Variants in RCAN2 observed in about 807,000 individuals in gnomAD.
The protein encoded by RCAN2 is regulator of calcineurin 2.
In RCAN2, 9 loss-of-function variants were observed where a neutral mutation model predicts 23.6. The ratio of observed to expected loss-of-function variants is 0.38; its 90% CI spans 0.23 to 0.67. The LOEUF is 0.67. Among genes scored for constraint, RCAN2 ranks in the 30% least tolerant of loss-of-function variants. The probability of loss-of-function intolerance (pLI) is 0.51; values close to 1 mark genes in which losing one functional copy is unlikely to be tolerated. For missense variants in RCAN2, 273 were observed against 302.3 expected (o/e 0.90, Z 0.72); for synonymous variants, 109 against 115.7 (o/e 0.94, Z 0.37).
chr6:46,296,450 C>T (rs1762732801), intron 2 of RCAN2, among the ~76,000 whole-genome samples: 1 of 152,014 alleles, frequency 6.6e-6, no homozygotes, highest in African/African-American at 2.4e-5. Flanking sequence ...CCTTATTATG[C>T]CCTATCTGAC....
At chr6:46,243,220 A>G (rs1766370441) in intron 4 of RCAN2, among the ~76,000 whole-genome samples, 2 of 152,090 alleles carry the variant, frequency 1.3e-5, no homozygotes. Flanking sequence ...TTTCAACTCA[A>G]TTGTTGGACG....
chr6:46,354,946 T>TGTGTGTG (rs1764780928), intron 2 of RCAN2, among the ~76,000 whole-genome samples: 1 of 131,464 alleles, frequency 7.6e-6, no homozygotes, highest in African/African-American at 2.9e-5. Context: ...TGTGTGTGTG[T>TGTGTGTG]TAGGCAGAAT....
chr6:46,250,682 A>T (rs1371097443), intron 2 of RCAN2, among the ~76,000 whole-genome samples: 1 of 152,242 alleles, frequency 6.6e-6, no homozygotes, highest in East Asian at 1.9e-4. Flanking sequence ...GATACTGTCA[A>T]CTTGATAAAG....
chr6:46,459,760 G>A (rs887241817), intron 1 of RCAN2, among the ~76,000 whole-genome samples: 1 of 152,140 alleles, frequency 6.6e-6, no homozygotes, highest in Non-Finnish European at 1.5e-5. Context: ...GCAGAGTAAG[G>A]GGAGGCAGGG....
At chr6:46,290,327 C>T (rs954794631) in intron 2 of RCAN2, among the ~76,000 whole-genome samples, 6 of 152,092 alleles carry the variant, frequency 3.9e-5, no homozygotes, top group Non-Finnish European at 7.4e-5. Flanking sequence ...TCAACAACTG[C>T]TATATCTTGT....
In RCAN2 at chr6:46,392,133, G is replaced by A. The variant is rs190082052; in HGVS notation, c.225+64619C>T. On this transcript the variant is annotated intron_variant, in intron 2 of 4. Coordinates refer to ENST00000371374, the MANE Select transcript of RCAN2 (RefSeq NM_001251974.2). ...TTAGTAGGAGTTTAAAAATGTACAT[G>A]TAAGCCATGCTATTAAATTCAGAGA... Among the ~76,000 whole-genome samples, 472 of 152,226 alleles carry A rather than the reference G, an allele frequency of 3.1e-3. 2 individuals are homozygous for A. Among genetic ancestry groups the A allele is most frequent in the African/African-American group, 8.7e-3 (362 of 41,532 alleles).
At chr6:46,230,737 T>C (rs1765854452) in intron 4 of RCAN2, among the ~76,000 whole-genome samples, 1 of 152,204 alleles carries the variant, frequency 6.6e-6, no homozygotes, top group South Asian at 2.1e-4. Context: ...GGTGAGGTGA[T>C]GCCCCACCCT....
chr6:46,312,807 C>T (rs1209621757), intron 2 of RCAN2, among the ~76,000 whole-genome samples: 2 of 152,194 alleles, frequency 1.3e-5, no homozygotes, highest in Admixed American at 6.5e-5. Flanking sequence ...AATACTGCAG[C>T]CGCCTCCTCA....
intron 1 of RCAN2, among the ~76,000 whole-genome samples, chr6:46,472,778 C>T (rs1043216759): frequency 1.3e-5 from 2 of 152,150 alleles, no homozygotes; most frequent in Non-Finnish European, 1.5e-5. Flanking sequence ...GTCTTAGATT[C>T]TAAGACATAT....
chr6:46,288,197 C>T (rs189692373), intron 2 of RCAN2, among the ~76,000 whole-genome samples: 14 of 152,318 alleles, frequency 9.2e-5, no homozygotes, highest in South Asian at 4.1e-4. Context: ...CCTGCACAAA[C>T]GATAGAAGGC....
rs146532539 is a variant in RCAN2, at chr6:46,299,113, A to C, written c.226-50217T>G. 2.8e-4 allele frequency among the ~76,000 whole-genome samples: 42 copies of C among 152,126 alleles called. No homozygotes were observed. The East Asian group carries it at 7.0e-3, about 25-fold the overall frequency. ...ACTGGGGACTGCTTGTGGGGGAAGA[A>C]TAGGAGGGGGTTAGAAAGCTACCTA... On this transcript the variant is annotated intron_variant, in intron 2 of 4. Coordinates refer to ENST00000371374, the MANE Select transcript of RCAN2 (RefSeq NM_001251974.2).
chr6:46,424,095 T>C (rs1234757077), intron 2 of RCAN2, among the ~76,000 whole-genome samples: 1 of 152,156 alleles, frequency 6.6e-6, no homozygotes, highest in Non-Finnish European at 1.5e-5. Flanking sequence ...CCCTTTTACT[T>C]ACAAGGAAGT....
intron 2 of RCAN2, among the ~76,000 whole-genome samples, chr6:46,421,601 T>C (rs780120227): frequency 6.6e-6 from 1 of 152,218 alleles, no homozygotes; most frequent in Admixed American, 6.5e-5. Flanking sequence ...CCACTGCCAA[T>C]GTCCTTTCTT....
chr6:46,258,883 A>G (rs1291314997), intron 2 of RCAN2, among the ~76,000 whole-genome samples: 2 of 152,226 alleles, frequency 1.3e-5, no homozygotes, highest in Non-Finnish European at 2.9e-5. Flanking sequence ...TCCAATACAA[A>G]TAAAAACGTG....
intron 4 of RCAN2, among the ~76,000 whole-genome samples, chr6:46,236,846 C>A (rs1411779725): frequency 6.6e-6 from 1 of 152,236 alleles, no homozygotes; most frequent in African/African-American, 2.4e-5. Flanking sequence ...AACATAATAA[C>A]AATTGCTTAT....
At chr6:46,357,749 T>C (rs1453960942) in intron 2 of RCAN2, among the ~76,000 whole-genome samples, 2 of 152,198 alleles carry the variant, frequency 1.3e-5, no homozygotes, top group Admixed American at 1.3e-4. Flanking sequence ...TAGTTGTTCA[T>C]AATAACTTAT....
At position 46,480,048 on chromosome 6, in the gene RCAN2, G is replaced by A. The variant is rs547315355; in HGVS notation, c.-3+11125C>T. Among the ~76,000 whole-genome samples the A allele has an allele frequency of 2.8e-3, 426 of 152,178 alleles. 1 individual carries two copies. The highest frequency in any genetic ancestry group is 6.4e-3 in the South Asian group (31 of 4,814). Reference sequence around the variant, plus strand: ...ATTGCAAATATAAAACACAAATTCCGGCACCAAAACCATGCAGCAGTATTA... The same window carrying A: ...ATTGCAAATATAAAACACAAATTCCAGCACCAAAACCATGCAGCAGTATTA... On this transcript the variant is annotated intron_variant, in intron 1 of 4. Coordinates refer to ENST00000371374, the MANE Select transcript of RCAN2 (RefSeq NM_001251974.2).
At chr6:46,328,165 T>C (rs1016342345) in intron 2 of RCAN2, among the ~76,000 whole-genome samples, 1 of 152,222 alleles carries the variant, frequency 6.6e-6, no homozygotes, top group Non-Finnish European at 1.5e-5. Context: ...TAGGCAGTTT[T>C]TTTTTTCTGA....
chr6:46,445,508 C>G (rs906283229), intron 2 of RCAN2, among the ~76,000 whole-genome samples: 2 of 152,144 alleles, frequency 1.3e-5, no homozygotes, highest in Admixed American at 1.3e-4. Context: ...TGCATAGAAA[C>G]TAATACACAG....
Sources: gnomAD v4.1 joint callset for allele counts (sites outside exome capture counted in the v4.1 genomes callset) on GRCh38, gnomAD v4.1.1 for gene constraint, MANE v1.5 for transcripts, NCBI Gene and HGNC (gene_info 2026-07-23, HGNC 2026-07-21) for gene names.